PCARE: variants seen among roughly 807,000 people sequenced by gnomAD.
The protein encoded by PCARE is photoreceptor cilium actin regulator, also known as uncharacterized protein C2orf71.
In PCARE, 72 loss-of-function variants were observed where a neutral mutation model predicts 82.2. That is an observed-to-expected ratio of 0.88 (90% CI 0.72 to 1.07). PCARE has a LOEUF of 1.07. Among genes scored for constraint, PCARE ranks in the 50% least tolerant of loss-of-function variants. PCARE has a pLI of 0.00. For missense variants in PCARE, 1,768 were observed against 1,592.4 expected (o/e 1.11, Z -1.88); for synonymous variants, 705 against 634.8 (o/e 1.11, Z -1.66).
rs1174671393 is a variant in PCARE at position 29,062,737 on chromosome 2, A to C, written c.*2132T>G. On this transcript the variant is annotated 3_prime_UTR_variant, in exon 2 of 2. Transcript: ENST00000331664. Reference sequence around the variant, plus strand: ...TTACGGAAGGAGGCCTGGGCTGGAGACTCAGCCTTGCTTCCCCTCACTGCT... The same window carrying C: ...TTACGGAAGGAGGCCTGGGCTGGAGCCTCAGCCTTGCTTCCCCTCACTGCT... 1 of 151,978 alleles carries C rather than the reference A, an allele frequency of 6.6e-6. No homozygotes were observed. Among genetic ancestry groups the C allele is most frequent in the Admixed American group, 6.6e-5 (1 of 15,252 alleles). The allele number at this position is 151,978 out of a possible 1,614,324, so 9.4% of individuals were successfully genotyped here.
intron 1 of PCARE, among the ~76,000 whole-genome samples, chr2:29,069,853 T>C (rs1312358196): frequency 6.6e-6 from 1 of 152,196 alleles, no homozygotes; most frequent in Non-Finnish European, 1.5e-5. Context: ...AAAGGCTCTT[T>C]TGGGCTCTTA....
chr2:29,066,789 C>G (rs1003368721), intron 1 of PCARE, among the ~76,000 whole-genome samples: 2 of 152,246 alleles, frequency 1.3e-5, no homozygotes, highest in African/African-American at 4.8e-5. Context: ...ATCCAGGAGA[C>G]TGAGTAAGGG....
chr2:29,070,794 G>A lies in PCARE; in HGVS notation c.3468C>T (p.Leu1156=), dbSNP rs752782141. Residue 1156 remains leucine (L), a synonymous_variant, in exon 1 of 2, where the codon CTC becomes CTT. Coordinates refer to ENST00000331664, the MANE Select transcript of PCARE (RefSeq NM_001029883.3). ...TCTTCCAGCATTCTGCTGGGTTCCC[G>A]AGAGGGCCCCCAGCCTCTGGCGGCA... The part of the protein sequence containing the change: ...PSLPPEAGGP[L]GNPAECWKNS... The A allele has an allele frequency of 2.0e-5, 33 of 1,613,992 alleles. No homozygotes were observed. Among genetic ancestry groups the A allele is most frequent in the East Asian group, 1.1e-4 (5 of 44,892 alleles).
rs759843150 is a variant in PCARE at position 29,072,289 on chromosome 2, C to G, written c.1973G>C (p.Ser658Thr). The G allele has an allele frequency of 2.4e-5, 38 of 1,614,094 alleles. No individual in the cohort carries two copies. The highest frequency in any genetic ancestry group is 3.0e-5 in the Non-Finnish European group (35 of 1,180,060). ...AVWPNGTCRV[S>T]PSNTTSRLKA... is the part of the protein sequence containing the mutation. ...GAGCCTGCTGGTGGTGTTGCTTGGACTGACCCTGCAGGTGCCATTGGGCCA... is the reference window on the plus strand; with the variant it reads ...GAGCCTGCTGGTGGTGTTGCTTGGAGTGACCCTGCAGGTGCCATTGGGCCA... Residue 658 changes from serine to threonine, a missense_variant, in exon 1 of 2, where the codon AGT (serine) becomes ACT (threonine). Ser to Thr is a moderately conservative substitution (Grantham distance 58). Coordinates refer to ENST00000331664, the MANE Select transcript of PCARE (RefSeq NM_001029883.3).
At position 29,061,825 on chromosome 2, in the gene PCARE, T is replaced by C. The variant is rs541686402; in HGVS notation, c.*3044A>G. The C allele has an allele frequency of 6.6e-6, 1 of 152,256 alleles. No homozygotes were observed. Among genetic ancestry groups the C allele is most frequent in the East Asian group, 1.9e-4 (1 of 5,170 alleles). The allele number at this position is 152,256 out of a possible 1,614,324, so 9.4% of individuals were successfully genotyped here. A position where few individuals can be genotyped will look rare whatever the true frequency, so the allele number is the denominator to read the frequency against. ...ATACCATTCTTGGGTAGAAGGGAGA[T>C]GGTGGGCGTGAGCAGCCCTTGTCTG... On this transcript the variant is annotated 3_prime_UTR_variant, in exon 2 of 2. Coordinates refer to ENST00000331664, the MANE Select transcript of PCARE (RefSeq NM_001029883.3).
chr2:29,063,707 T>C lies in PCARE; in HGVS notation c.*1162A>G, dbSNP rs763233455. On this transcript the variant is annotated 3_prime_UTR_variant, in exon 2 of 2. Coordinates refer to ENST00000331664, the MANE Select transcript of PCARE (RefSeq NM_001029883.3). ...CAATTACTGCAAAATCTTTTCTAAA[T>C]AGAACGCACACCACAGCCTCCAGTG... 1.3e-5 allele frequency: 2 copies of C among 152,646 alleles called. No homozygotes were observed. The highest frequency in any genetic ancestry group is 2.9e-5 in the Non-Finnish European group (2 of 68,048). 9.5% of individuals were successfully genotyped at this position (152,646 alleles called of 1,614,324 possible). A position where few individuals can be genotyped will look rare whatever the true frequency, so the allele number is the denominator to read the frequency against.
At position 29,064,453 on chromosome 2, in the gene PCARE, C is replaced by T. The variant is rs1314108013; in HGVS notation, c.*416G>A. On this transcript the variant is annotated 3_prime_UTR_variant, in exon 2 of 2. Transcript: ENST00000331664. ...CACTTGAGGGGGCCTCTCCCCACACCTTCGGTTTTCATATGCGCAAAACTG... is the reference window on the plus strand; with the variant it reads ...CACTTGAGGGGGCCTCTCCCCACACTTTCGGTTTTCATATGCGCAAAACTG... 1 of 273,602 alleles carries T rather than the reference C, an allele frequency of 3.7e-6. No individual in the cohort carries two copies. The highest frequency in any genetic ancestry group is 7.1e-6 in the Non-Finnish European group (1 of 140,686). 16.9% of individuals were successfully genotyped at this position (273,602 alleles called of 1,614,324 possible).
In PCARE at chr2:29,071,549, T is replaced by C; in HGVS notation, c.2713A>G (p.Ser905Gly). 4 of 1,610,706 alleles carry C rather than the reference T, an allele frequency of 2.5e-6. No homozygotes were observed. The highest frequency in any genetic ancestry group is 3.4e-6 in the Non-Finnish European group (4 of 1,180,002). Reference sequence around the variant, plus strand: ...CTCCTGCCACTCCCTGGCCCTGTGCTGTGAGGCTTGGTCAGGCTGGCGGTG... The same window carrying C: ...CTCCTGCCACTCCCTGGCCCTGTGCCGTGAGGCTTGGTCAGGCTGGCGGTG... ...KSTASLTKPH[S>G]TGPGSGRSSC... The change falls in exon 1 of 2, where the codon AGC (serine) becomes GGC (glycine). Residue 905 changes from serine to glycine, a missense_variant. Ser to Gly is a moderately conservative substitution (Grantham distance 56). Coordinates refer to ENST00000331664, the MANE Select transcript of PCARE (RefSeq NM_001029883.3).
Position 29,071,829 on chromosome 2 carries a change from T to G in PCARE, c.2433A>C (p.Ala811=), listed in dbSNP as rs1667492217. ...LAPIFPPLPK[A]EAAKSEELSC... is the part of the protein sequence containing the mutation. ...TGAGCTCCTCACTCTTGGCTGCTTC[T>G]GCTTTAGGCAGAGGGGGAAAGATAG... Residue 811 remains alanine, a synonymous_variant, in exon 1 of 2, where the codon GCA becomes GCC. Coordinates refer to ENST00000331664, the MANE Select transcript of PCARE (RefSeq NM_001029883.3). The G allele has an allele frequency of 6.2e-7, 1 of 1,614,116 alleles. No individual in the cohort carries two copies. Among genetic ancestry groups the G allele is most frequent in the African/African-American group, 1.3e-5 (1 of 74,952 alleles).
Position 29,071,885 on chromosome 2 carries a change from T to C in PCARE, c.2377A>G (p.Lys793Glu). 6.2e-7 allele frequency: 1 copy of C among 1,614,206 alleles called. No individual in the cohort carries two copies. The highest frequency in any genetic ancestry group is 2.2e-5 in the East Asian group (1 of 44,884). The change falls in exon 1 of 2, where the codon AAA becomes GAA. Residue 793 changes from lysine to glutamate, a missense_variant. Lys to Glu is a moderately conservative substitution (Grantham distance 56, BLOSUM62 1). Coordinates refer to ENST00000331664, the MANE Select transcript of PCARE (RefSeq NM_001029883.3). ...AAGGGCTTCCAGCCTATGCCCATTT[T>C]GAGAGATTCTCTGCCTGATGCTGGA... ...ISPASGRESL[K>E]MGIGWKPLAP...
rs746302078 is a variant in PCARE at position 29,073,825 on chromosome 2, T to G, written c.437A>C (p.Lys146Thr). 6.2e-7 allele frequency: 1 copy of G among 1,614,208 alleles called. No homozygotes were observed. The highest frequency in any genetic ancestry group is 1.1e-5 in the South Asian group (1 of 91,082). ...TGACGTGTGACATTTTGCTGTCCTTTTCCATTTGGAAGTATCTTGGGTACT... is the reference window on the plus strand; with the variant it reads ...TGACGTGTGACATTTTGCTGTCCTTGTCCATTTGGAAGTATCTTGGGTACT... ...ESSTQDTSKW[K>T]RTAKCHTSST... Residue 146 changes from lysine (K) to threonine (T), a missense_variant, in exon 1 of 2, where the codon AAA becomes ACA. Physicochemically the swap from Lys to Thr is moderately conservative, Grantham distance 78. Transcript: ENST00000331664.
At chr2:29,066,015 G>A (rs1185127296) in intron 1 of PCARE, among the ~76,000 whole-genome samples, 1 of 152,158 alleles carries the variant, frequency 6.6e-6, no homozygotes, top group Non-Finnish European at 1.5e-5. Context: ...GGGCATAGTG[G>A]TGGACACCTG....
chr2:29,073,904 C>G lies in PCARE; in HGVS notation c.358G>C (p.Gly120Arg), dbSNP rs140625913. The change falls in exon 1 of 2, where the codon GGT (glycine) becomes CGT (arginine). Residue 120 changes from glycine to arginine, a missense_variant. By Grantham distance (125) the Gly-to-Arg change is moderately radical. Coordinates refer to ENST00000331664, the MANE Select transcript of PCARE (RefSeq NM_001029883.3). ...MAKDIPFKTQGSHGSQGADFS... is the reference protein window; with the variant it reads ...MAKDIPFKTQRSHGSQGADFS... ...TCTGCCCCTTGTGATCCATGGGAACCCTGTGTCTTGAACGGAATATCCTTA... is the reference window on the plus strand; with the variant it reads ...TCTGCCCCTTGTGATCCATGGGAACGCTGTGTCTTGAACGGAATATCCTTA... The G allele has an allele frequency of 4.2e-5, 68 of 1,614,226 alleles. No homozygotes were observed. The East Asian group carries it at 1.3e-3, about 31-fold the overall frequency.
At chr2:29,066,800 C>A (rs894486732) in intron 1 of PCARE, among the ~76,000 whole-genome samples, 1 of 152,182 alleles carries the variant, frequency 6.6e-6, no homozygotes, top group Non-Finnish European at 1.5e-5. Context: ...TGAGTAAGGG[C>A]GGCAGAGCGT....
Position 29,073,955 on chromosome 2 carries a change from G to C in PCARE, c.307C>G (p.Leu103Val). 6.2e-7 allele frequency: 1 copy of C among 1,614,252 alleles called. No individual in the cohort carries two copies. Among genetic ancestry groups the C allele is most frequent in the Non-Finnish European group, 8.5e-7 (1 of 1,180,046 alleles). The change falls in exon 1 of 2, where the codon CTG becomes GTG. Residue 103 changes from leucine to valine, a missense_variant. Physicochemically the swap from Leu to Val is conservative, Grantham distance 32. Coordinates refer to ENST00000331664, the MANE Select transcript of PCARE (RefSeq NM_001029883.3). The stretch of plus-strand genomic sequence containing the variant: ...GCCATGTGGCTTTGTGATTTGTTCA[G>C]CTGGGATGAAGAGGTTTTGGTTCCT... ...IPGTKTSSSQ[L>V]NKSQSHMAKD...
chr2:29,064,727 TG>T lies in PCARE; in HGVS notation c.*141del. ...ATTGTTTAAAATTCAGCAGACCCAC[TG>T]GGCAGTGCACCTTCCAGGCCTTTCC... On this transcript the variant is annotated 3_prime_UTR_variant, in exon 2 of 2. Transcript: ENST00000331664. The T allele has an allele frequency of 9.4e-7, 1 of 1,058,624 alleles. No individual in the cohort carries two copies. Among genetic ancestry groups the T allele is most frequent in the Non-Finnish European group, 1.4e-6 (1 of 718,278 alleles). The allele number at this position is 1,058,624 out of a possible 1,614,324, so 65.6% of individuals were successfully genotyped here. A position where few individuals can be genotyped will look rare whatever the true frequency, so the allele number is the denominator to read the frequency against.
Position 29,072,610 on chromosome 2 carries a change from C to T in PCARE, c.1652G>A (p.Arg551Lys), listed in dbSNP as rs1667511295. 6.2e-7 allele frequency: 1 copy of T among 1,614,038 alleles called. No homozygotes were observed. Among genetic ancestry groups the T allele is most frequent in the Non-Finnish European group, 8.5e-7 (1 of 1,180,036 alleles). ...ILKMKESISE[R>K]IKFVPVPCGH... ...ACAGGGCACAGGGACAAACTTGATC[C>T]TTTCGCTGATTGACTCCTTCATCTT... Residue 551 changes from arginine to lysine, a missense_variant, in exon 1 of 2, where the codon AGG becomes AAG. Physicochemically the swap from Arg to Lys is conservative, Grantham distance 26. Transcript: ENST00000331664.
rs759636847 is a variant in PCARE at position 29,062,587 on chromosome 2, AC to A, written c.*2281del. On this transcript the variant is annotated 3_prime_UTR_variant, in exon 2 of 2. Transcript: ENST00000331664. ...TTCCTGCGTGTTCTCCATGATACTG[AC>A]CCCTTCTGTGGTGGAATAATCTGCC... 9.2e-5 allele frequency: 14 copies of A among 151,626 alleles called. No individual in the cohort carries two copies. The highest frequency in any genetic ancestry group is 7.9e-4 in the Admixed American group (12 of 15,220). 9.4% of individuals were successfully genotyped at this position (151,626 alleles called of 1,614,324 possible). A position where few individuals can be genotyped will look rare whatever the true frequency, so the allele number is the denominator to read the frequency against.
chr2:29,068,136 T>C (rs998611666), intron 1 of PCARE, among the ~76,000 whole-genome samples: 1 of 152,228 alleles, frequency 6.6e-6, no homozygotes, highest in African/African-American at 2.4e-5. Context: ...TGAGGAATAA[T>C]GCATTAACAT....
Sources: allele counts gnomAD v4.1 joint callset (sites outside exome capture counted in the v4.1 genomes callset), GRCh38; gene constraint gnomAD v4.1.1; transcripts MANE v1.5; gene names NCBI Gene and HGNC (gene_info 2026-07-23, HGNC 2026-07-21).